The following FRMD6 variants were observed in gnomAD, a reference collection of about 807,000 sequenced individuals.
FRMD6 encodes the protein FERM domain containing 6.
FRMD6 carries 37 observed loss-of-function variants against 73.2 expected under a neutral mutation model. The observed-to-expected ratio is 0.51, with a 90% CI of 0.39 to 0.66. The LOEUF is 0.66. Ranked by LOEUF, FRMD6 falls within the 30% of genes least tolerant of loss-of-function variation. FRMD6 has a pLI of 0.00. For synonymous variants in FRMD6, 273 were observed against 282.2 expected, an observed-to-expected ratio of 0.97 and a Z score of 0.33; for missense variants, 714 against 780.5, an observed-to-expected ratio of 0.91 and a Z score of 1.02.
At chr14:51,420,189 C>T in the FRMD6 span, among the ~76,000 whole-genome samples, 2 of 152,170 alleles carry the variant, frequency 1.3e-5, no homozygotes. Flanking sequence ...TGAATAACTG[C>T]ATGGAACAAA....
At position 51,729,602 on chromosome 14, in the gene FRMD6, A is replaced by G. The variant is rs1328650608; in HGVS notation, c.*1573A>G. 6.6e-6 allele frequency: 1 copy of G among 152,662 alleles called. No individual in the cohort carries two copies. The highest frequency in any genetic ancestry group is 1.9e-4 in the East Asian group (1 of 5,200). The allele number at this position is 152,662 out of a possible 1,614,324, so 9.5% of individuals were successfully genotyped here. A position where few individuals can be genotyped will look rare whatever the true frequency, so the allele number is the denominator to read the frequency against. ...TCTGCCCAGTTTTATTAAAAAAACT[A>G]TATATTATTTTCTAAAGAAACAATC... On this transcript the variant is annotated 3_prime_UTR_variant, in exon 14 of 14. Transcript: ENST00000344768.
chr14:51,652,511 G>T (rs934203854), intron 1 of FRMD6, among the ~76,000 whole-genome samples: 1 of 152,220 alleles, frequency 6.6e-6, no homozygotes, highest in African/African-American at 2.4e-5. Context: ...GCTCCCGGGG[G>T]CTGCGCCGTG....
intron 7 of FRMD6, 24 bp downstream of exon 7, chr14:51,708,257 C>T (rs1490200546): frequency 5.0e-6 from 8 of 1,603,780 alleles, no homozygotes; most frequent in Middle Eastern, 1.7e-4. Context: ...ACTAAGTCTT[C>T]AGCTTCTGAG....
intron 1 of FRMD6, among the ~76,000 whole-genome samples, chr14:51,656,333 A>G (rs1318802279): frequency 6.6e-6 from 1 of 152,228 alleles, no homozygotes; most frequent in Non-Finnish European, 1.5e-5. Flanking sequence ...ACAAATTCAC[A>G]GATGAACCAA....
intron 9 of FRMD6, 132 bp downstream of exon 9, chr14:51,712,683 C>T (rs539562446): frequency 3.3e-5 from 21 of 641,878 alleles, no homozygotes; most frequent in Non-Finnish European, 5.0e-5. Flanking sequence ...AAGAAGTTGA[C>T]ACTGAAGATA....
At chr14:51,597,210 G>C (rs905510572) in intron 2 of FRMD6, among the ~76,000 whole-genome samples, 1 of 152,158 alleles carries the variant, frequency 6.6e-6, no homozygotes, top group Admixed American at 6.5e-5. Flanking sequence ...TTCTACCATA[G>C]AGAGCTTATC....
chr14:51,701,920 A>G (rs1445116265), intron 4 of FRMD6, among the ~76,000 whole-genome samples: 1 of 151,918 alleles, frequency 6.6e-6, no homozygotes, highest in Non-Finnish European at 1.5e-5. Context: ...ACAAACATTA[A>G]TTTCATTTAC....
chr14:51,628,931 C>T (rs1327489903), intron 2 of FRMD6, among the ~76,000 whole-genome samples: 1 of 122,514 alleles, frequency 8.2e-6, no homozygotes, highest in Non-Finnish European at 1.6e-5. Context: ...GGCTGGAGTG[C>T]AGTGACGCAA....
intron 9 of FRMD6, chr14:51,714,102 A>C (rs1202708685): frequency 2.0e-5 from 3 of 152,202 alleles, no homozygotes; most frequent in African/African-American, 4.8e-5. Flanking sequence ...CTTGAAGCCA[A>C]CTCAGCTCTG....
At chr14:51,543,051 G>A (rs1443194983) in intron 1 of FRMD6, among the ~76,000 whole-genome samples, 4 of 151,954 alleles carry the variant, frequency 2.6e-5, no homozygotes, top group Non-Finnish European at 5.9e-5. Context: ...TTTTCACTCT[G>A]TTGATAGTAT....
intron 1 of FRMD6, among the ~76,000 whole-genome samples, chr14:51,569,196 G>T (rs1465629687): frequency 6.6e-6 from 1 of 152,100 alleles, no homozygotes; most frequent in Non-Finnish European, 1.5e-5. Context: ...CCTCACAAAC[G>T]CTACACAGAC....
chr14:51,719,982 G>T (rs1254095653), intron 10 of FRMD6, 73 bp from the exon 11 acceptor site: 2 of 1,106,996 alleles, frequency 1.8e-6, no homozygotes, highest in Non-Finnish European at 2.6e-6. Flanking sequence ...CTTGTTCTTG[G>T]CCTGATGAGT....
At chr14:51,578,401 C>T (rs1360106244) in intron 2 of FRMD6, among the ~76,000 whole-genome samples, 1 of 152,204 alleles carries the variant, frequency 6.6e-6, no homozygotes, top group African/African-American at 2.4e-5. Flanking sequence ...AGGCAAAAGT[C>T]AAAAGGATTC....
rs1898127011 is a variant in FRMD6, at chr14:51,728,955, T to C, written c.*926T>C. On this transcript the variant is annotated 3_prime_UTR_variant, in exon 14 of 14. Coordinates refer to ENST00000344768, the MANE Select transcript of FRMD6 (RefSeq NM_001267046.2). Reference sequence around the variant, plus strand: ...ATAAATACATGGGATTGTGTATGTCTATATGTGTTTAAAGCTTACTATGTC... The same window carrying C: ...ATAAATACATGGGATTGTGTATGTCCATATGTGTTTAAAGCTTACTATGTC... 6.6e-6 allele frequency: 1 copy of C among 152,218 alleles called. No homozygotes were observed. 9.4% of individuals were successfully genotyped at this position (152,218 alleles called of 1,614,324 possible).
chr14:51,605,847 C>T lies in FRMD6; in HGVS notation c.-147+35437C>T, dbSNP rs553939274. On this transcript the variant is annotated intron_variant, in intron 2 of 14. Transcript: ENST00000356218. Reference sequence around the variant, plus strand: ...CATCTGTAAAGGGAATTCAAGTGGTCATATCAGGAAGAGCTGTACCCCCGA... The same window carrying T: ...CATCTGTAAAGGGAATTCAAGTGGTTATATCAGGAAGAGCTGTACCCCCGA... 2.0e-4 allele frequency among the ~76,000 whole-genome samples: 31 copies of T among 152,290 alleles called. No homozygotes were observed. The South Asian group carries it at 4.2e-3, about 20-fold the overall frequency.
At chr14:51,598,923 A>G (rs1566494266) in intron 2 of FRMD6, among the ~76,000 whole-genome samples, 1 of 152,158 alleles carries the variant, frequency 6.6e-6, no homozygotes, top group South Asian at 2.1e-4. Context: ...TAATGGTATT[A>G]CAGGGTCAAA....
chr14:51,672,339 A>G (rs567472689), intron 1 of FRMD6, among the ~76,000 whole-genome samples: 22 of 152,318 alleles, frequency 1.4e-4, no homozygotes, highest in African/African-American at 7.2e-5. Flanking sequence ...CTCCACCACA[A>G]CAATGCTCCT....
chr14:51,547,143 T>C (rs532060684), intron 1 of FRMD6, among the ~76,000 whole-genome samples: 2 of 152,184 alleles, frequency 1.3e-5, no homozygotes, highest in Non-Finnish European at 2.9e-5. Flanking sequence ...CACAGTGTTT[T>C]GCTGTCAAAT....
At chr14:51,462,076 G>A in the FRMD6 span, among the ~76,000 whole-genome samples, 3 of 151,990 alleles carry the variant, frequency 2.0e-5, no homozygotes, top group Non-Finnish European at 4.4e-5. Flanking sequence ...AGGAAGCAAG[G>A]AAAGAAGGAA....
Sources: allele counts gnomAD v4.1 joint callset (sites outside exome capture counted in the v4.1 genomes callset), GRCh38; gene constraint gnomAD v4.1.1; transcripts MANE v1.5; gene names NCBI Gene and HGNC (gene_info 2026-07-23, HGNC 2026-07-21).